Variants in NHSL1 observed in about 807,000 individuals in gnomAD.
The protein encoded by NHSL1 is NHS-like protein 1.
In NHSL1, 48 loss-of-function variants were observed where a neutral mutation model predicts 95.0. The ratio of observed to expected loss-of-function variants is 0.51; its 90% CI spans 0.40 to 0.64. NHSL1 has a LOEUF of 0.64. NHSL1 is among the 30% of genes least tolerant of loss of function. The pLI is 0.00. For missense variants in NHSL1, 1,971 were observed against 2,077.7 expected, an observed-to-expected ratio of 0.95 and a Z score of 1.00; for synonymous variants, 783 against 833.9, an observed-to-expected ratio of 0.94 and a Z score of 1.05.
chr6:138,503,172 C>T (rs1780778137), upstream of NHSL1, among the ~76,000 whole-genome samples: 1 of 152,146 alleles, frequency 6.6e-6, no homozygotes, highest in African/African-American at 2.4e-5. Context: ...CCTCACCTTC[C>T]TAATGATCTT....
Position 138,499,222 on chromosome 6 carries a change from G to C in NHSL1, c.58+11C>G, listed in dbSNP as rs1444517294. On this transcript the variant is annotated intron_variant, in intron 1 of 7. Coordinates refer to ENST00000343505, the MANE Select transcript of NHSL1 (RefSeq NM_001144060.2). Reference sequence around the variant, plus strand: ...ACACAATAGGTAGTAGAGAGAAAAGGAACTACTTACTTTTCTTCTTAAAAA... The same window carrying C: ...ACACAATAGGTAGTAGAGAGAAAAGCAACTACTTACTTTTCTTCTTAAAAA... 2 of 1,492,398 alleles carry C rather than the reference G, an allele frequency of 1.3e-6. No individual in the cohort carries two copies. The highest frequency in any genetic ancestry group is 2.5e-5 in the East Asian group (1 of 40,564). 92.4% of individuals were successfully genotyped at this position (1,492,398 alleles called of 1,614,324 possible).
At chr6:138,599,939 C>T (rs1394471661) in intron 1 of NHSL1, among the ~76,000 whole-genome samples, 2 of 151,930 alleles carry the variant, frequency 1.3e-5, no homozygotes, top group African/African-American at 2.4e-5. Flanking sequence ...GTCAGGAGTT[C>T]GAGACCAGCC....
At chr6:138,554,606 C>G (rs1371144732) in intron 1 of NHSL1, among the ~76,000 whole-genome samples, 1 of 152,056 alleles carries the variant, frequency 6.6e-6, no homozygotes, top group Non-Finnish European at 1.5e-5. Flanking sequence ...CAAGGTACGC[C>G]AAGGTAAATG....
chr6:138,627,965 T>C (rs1784765289), intron 1 of NHSL1, among the ~76,000 whole-genome samples: 1 of 152,196 alleles, frequency 6.6e-6, no homozygotes, highest in South Asian at 2.1e-4. Context: ...ATATTTTATC[T>C]GGAAAAGCTC....
chr6:138,455,472 GCC>G (rs1777527534), intron 3 of NHSL1, among the ~76,000 whole-genome samples: 4 of 18,730 alleles, frequency 2.1e-4, no homozygotes, highest in Non-Finnish European at 7.5e-4. Flanking sequence ...AAGGAGCCCC[GCC>G]TTCACATGCT....
At chr6:138,506,996 C>G (rs1780995322) in intron 1 of NHSL1, among the ~76,000 whole-genome samples, 1 of 152,082 alleles carries the variant, frequency 6.6e-6, no homozygotes, top group East Asian at 1.9e-4. Flanking sequence ...TTTTTTGCAT[C>G]CGGCATTTTT....
At chr6:138,617,779 C>T (rs1784600743) in intron 1 of NHSL1, among the ~76,000 whole-genome samples, 1 of 152,242 alleles carries the variant, frequency 6.6e-6, no homozygotes, top group South Asian at 2.1e-4. Flanking sequence ...GGAGGACAGG[C>T]TGAGTCCCAT....
chr6:138,426,502 T>C (rs575705497), intron 7 of NHSL1, among the ~76,000 whole-genome samples: 6 of 152,236 alleles, frequency 3.9e-5, no homozygotes, highest in Non-Finnish European at 8.8e-5. Flanking sequence ...TAACAGTATA[T>C]AGGTCACAGT....
intron 4 of NHSL1, among the ~76,000 whole-genome samples, chr6:138,445,855 T>TAA (rs1448819582): frequency 6.6e-6 from 1 of 152,230 alleles, no homozygotes; most frequent in Admixed American, 6.5e-5. Flanking sequence ...AGGGCCCTGC[T>TAA]TTGTATGACT....
intron 1 of NHSL1, among the ~76,000 whole-genome samples, chr6:138,580,397 G>A (rs1583432131): frequency 6.6e-6 from 1 of 152,320 alleles, no homozygotes; most frequent in East Asian, 1.9e-4. Flanking sequence ...CTCTGGGCTT[G>A]AGTAATTTCT....
intron 4 of NHSL1, among the ~76,000 whole-genome samples, chr6:138,442,445 GT>G (rs1454638149): frequency 6.6e-6 from 1 of 152,088 alleles, no homozygotes; most frequent in Non-Finnish European, 1.5e-5. Context: ...ATATCCTCTG[GT>G]CACCAAAACC....
In NHSL1 at chr6:138,454,220, T is replaced by A. The variant is rs78422150; in HGVS notation, c.340-7027A>T. On this transcript the variant is annotated intron_variant, in intron 3 of 7. Coordinates refer to ENST00000343505, the MANE Select transcript of NHSL1 (RefSeq NM_001144060.2). ...GTGTGTGTGCGTGCGTGCATAAACT[T>A]GCTTTGACTTTTACAAAAATAGTAT... Among the ~76,000 whole-genome samples the A allele has an allele frequency of 7.7e-3, 1,169 of 152,258 alleles. 29 individuals carry two copies. The highest frequency in any genetic ancestry group is 0.068 in the East Asian group (353 of 5,170).
intron 1 of NHSL1, among the ~76,000 whole-genome samples, chr6:138,535,010 GA>G (rs776788745): frequency 3.3e-5 from 5 of 152,136 alleles, no homozygotes; most frequent in Non-Finnish European, 5.9e-5. Context: ...AAAATAAAGA[GA>G]AATTGCCAAG....
At chr6:138,565,469 G>C (rs545618912) in intron 1 of NHSL1, among the ~76,000 whole-genome samples, 1 of 151,988 alleles carries the variant, frequency 6.6e-6, no homozygotes, top group South Asian at 2.1e-4. Flanking sequence ...GATCAAAGGG[G>C]AACAAGAGTG....
chr6:138,538,465 CTCTGGGCA>C (rs1782448683), intron 1 of NHSL1, among the ~76,000 whole-genome samples: 1 of 152,186 alleles, frequency 6.6e-6, no homozygotes, highest in Non-Finnish European at 1.5e-5. Flanking sequence ...GTCAAGCATC[CTCTGGGCA>C]TCTGCCAGGC....
intron 1 of NHSL1, chr6:138,545,530 C>T (rs992185545): frequency 1.2e-5 from 11 of 935,178 alleles, no homozygotes; most frequent in Non-Finnish European, 1.6e-5. Flanking sequence ...TTGATTTTTA[C>T]TGGAATCAGC....
At chr6:138,459,021 GA>G (rs1444746989) in intron 3 of NHSL1, among the ~76,000 whole-genome samples, 5 of 152,080 alleles carry the variant, frequency 3.3e-5, no homozygotes, top group Non-Finnish European at 7.4e-5. Flanking sequence ...TTTGAGAAAA[GA>G]GTCTTGCTCT....
intron 1 of NHSL1, among the ~76,000 whole-genome samples, chr6:138,521,289 C>T (rs1044055856): frequency 2.0e-5 from 3 of 151,958 alleles, no homozygotes; most frequent in African/African-American, 7.3e-5. Context: ...GTGAGACCCC[C>T]ATCTCTACAA....
chr6:138,692,631 GC>G, upstream of NHSL1: 1 of 171,920 alleles, frequency 5.8e-6, no homozygotes, highest in Non-Finnish European at 1.2e-5. The surrounding 1 kb of genome is among the most constrained non-coding windows in gnomAD (Gnocchi z 4.0). Flanking sequence ...GGCCAGCTGC[GC>G]CAGCAGGCAG....
Sources: allele counts gnomAD v4.1 joint callset (sites outside exome capture counted in the v4.1 genomes callset), GRCh38; gene constraint gnomAD v4.1.1; non-coding constraint Gnocchi (gnomAD v3.1); transcripts MANE v1.5; gene names NCBI Gene and HGNC (gene_info 2026-07-23, HGNC 2026-07-21).